The following SRD5A3 variants were observed in gnomAD, a reference collection of about 807,000 sequenced individuals.
SRD5A3 encodes the protein polyprenal reductase.
In SRD5A3, 24 loss-of-function variants were observed where a neutral mutation model predicts 34.3. That is an observed-to-expected ratio of 0.70 (90% CI 0.51 to 0.99). The LOEUF (loss-of-function observed/expected upper bound fraction) is 0.99. SRD5A3 is among the 50% of genes least tolerant of loss of function. The pLI, the probability that SRD5A3 is intolerant of heterozygous loss-of-function variation, is 0.00. For synonymous variants in SRD5A3, 161 were observed against 167.3 expected, an observed-to-expected ratio of 0.96 and a Z score of 0.29; for missense variants, 350 against 388.2, an observed-to-expected ratio of 0.90 and a Z score of 0.83.
rs774523970 is a variant in SRD5A3 at position 55,348,490 on chromosome 4, G to A, written c.221+1933G>A. On this transcript the variant is annotated intron_variant, in intron 1 of 4. Coordinates refer to ENST00000264228, the MANE Select transcript of SRD5A3 (RefSeq NM_024592.5). Reference sequence around the variant, plus strand: ...AGAGTCTATGGCCTCTTTTTTATACGTCTCTGTATTTTCCAAAATGTCTTC... The same window carrying A: ...AGAGTCTATGGCCTCTTTTTTATACATCTCTGTATTTTCCAAAATGTCTTC... Among the ~76,000 whole-genome samples the A allele has an allele frequency of 1.1e-3, 164 of 152,106 alleles. 1 individual carries two copies. Among genetic ancestry groups the A allele is most frequent in the Non-Finnish European group, 1.6e-3 (112 of 68,010 alleles).
intron 2 of SRD5A3, among the ~76,000 whole-genome samples, chr4:55,359,794 TATGAAGAAGTCTTTAC>T (rs1719608148): frequency 1.3e-5 from 2 of 152,210 alleles, no homozygotes; most frequent in African/African-American, 4.8e-5. Context: ...TTGATAAATT[TATGAAGAAGTCTTTAC>T]ACAAAAGGGG....
In SRD5A3 at chr4:55,366,871, G is replaced by C. The variant is rs1050447545; in HGVS notation, c.563-717G>C. 1.0e-4 allele frequency: 16 copies of C among 152,650 alleles called. 1 individual carries two copies. 9.5% of individuals were successfully genotyped at this position (152,650 alleles called of 1,614,324 possible). ...TGCTCCGCAGGTCCTCAGAAGGTCT[G>C]TGTTTTTCCCTTCTTCCTAGCAGCC... is the stretch of plus-strand genomic sequence containing the variant. On this transcript the variant is annotated intron_variant, in intron 3 of 4. Transcript: ENST00000264228.
intron 1 of SRD5A3, among the ~76,000 whole-genome samples, chr4:55,353,580 G>A (rs372719301): frequency 3.3e-5 from 5 of 152,258 alleles, no homozygotes; most frequent in South Asian, 2.1e-4. Flanking sequence ...TGCTCTTCAC[G>A]GTAAGTCTTG....
At chr4:55,366,526 T>G (rs899015834) in intron 3 of SRD5A3, 2 of 152,210 alleles carry the variant, frequency 1.3e-5, no homozygotes, top group African/African-American at 4.8e-5. Flanking sequence ...TGGCTAAACT[T>G]GTAAACACTA....
intron 3 of SRD5A3, 77 bp from the exon 4 acceptor site, chr4:55,367,511 T>A: frequency 6.5e-7 from 1 of 1,544,948 alleles, no homozygotes; most frequent in South Asian, 1.1e-5. Flanking sequence ...ATTGTGTTTC[T>A]GCTGACTAAA....
chr4:55,357,870 C>G (rs963013862), intron 1 of SRD5A3, among the ~76,000 whole-genome samples: 3 of 152,150 alleles, frequency 2.0e-5, no homozygotes, highest in African/African-American at 4.8e-5. Flanking sequence ...CCATGCCTGG[C>G]CAGTGATAGA....
intron 1 of SRD5A3, among the ~76,000 whole-genome samples, chr4:55,346,802 A>C (rs1423297946): frequency 2.6e-5 from 4 of 152,198 alleles, no homozygotes; most frequent in Non-Finnish European, 5.9e-5. Context: ...GCTTGCACTC[A>C]GCTGGAGGAA....
In SRD5A3 at chr4:55,371,510, A is replaced by G. The variant is rs1164976662; in HGVS notation, c.*1419A>G. The G allele has an allele frequency of 6.6e-6, 1 of 152,236 alleles. No individual in the cohort carries two copies. Among genetic ancestry groups the G allele is most frequent in the Non-Finnish European group, 1.5e-5 (1 of 68,036 alleles). 9.4% of individuals were successfully genotyped at this position (152,236 alleles called of 1,614,324 possible). ...GAAGATGTCCTATTACAGTCAGCTA[A>G]GCACTAAAGCTTTGCATTTATATGT... On this transcript the variant is annotated 3_prime_UTR_variant, in exon 5 of 5. Transcript: ENST00000264228.
chr4:55,365,266 C>T (rs771559253), intron 3 of SRD5A3, among the ~76,000 whole-genome samples: 3 of 152,212 alleles, frequency 2.0e-5, no homozygotes, highest in Non-Finnish European at 4.4e-5. Flanking sequence ...TGTGAGTGAG[C>T]TTCCTCCTCA....
intron 1 of SRD5A3, 31 bp downstream of exon 1, chr4:55,346,588 G>C (rs1396241517): frequency 6.5e-7 from 1 of 1,545,524 alleles, no homozygotes; most frequent in Non-Finnish European, 8.7e-7. Context: ...AGCCGCGGTG[G>C]TCAAGGCGCT....
rs532338156 is a variant in SRD5A3, at chr4:55,351,057, T to C, written c.221+4500T>C. ...TTGGGATTATAGGCGTGAGTCACCA[T>C]GTGCCTGGCCTAAATTTTTTTTTTT... is the stretch of plus-strand genomic sequence containing the variant. On this transcript the variant is annotated intron_variant, in intron 1 of 4. Transcript: ENST00000264228. 1.4e-3 allele frequency among the ~76,000 whole-genome samples: 213 copies of C among 151,812 alleles called. 1 individual carries two copies. The highest frequency in any genetic ancestry group is 4.9e-3 in the African/African-American group (202 of 41,340).
At chr4:55,361,683 A>C (rs1426176180) in intron 2 of SRD5A3, among the ~76,000 whole-genome samples, 1 of 151,988 alleles carries the variant, frequency 6.6e-6, no homozygotes, top group Non-Finnish European at 1.5e-5. Flanking sequence ...GCGTGCCTGT[A>C]ATCCCACTTA....
In SRD5A3 at chr4:55,359,458, C is replaced by T. The variant is rs1578206800; in HGVS notation, c.334C>T (p.Leu112Phe). Reference sequence around the variant, plus strand: ...TTTTCCAAGCTGGCTTCATGGTTTGCTCAGAATTCTCGGGGCGGCACAGTT... The same window carrying T: ...TTTTCCAAGCTGGCTTCATGGTTTGTTCAGAATTCTCGGGGCGGCACAGTT... The part of the protein sequence containing the change: ...APFPSWLHGL[L>F]RILGAAQFQG... The change falls in exon 2 of 5, where the codon CTC (leucine) becomes TTC (phenylalanine). Residue 112 changes from leucine (L) to phenylalanine (F), a missense_variant. Physicochemically the swap from Leu to Phe is conservative, Grantham distance 22. Coordinates refer to ENST00000264228, the MANE Select transcript of SRD5A3 (RefSeq NM_024592.5). The T allele has an allele frequency of 1.2e-6, 2 of 1,614,024 alleles. No individual in the cohort carries two copies. Among genetic ancestry groups the T allele is most frequent in the Middle Eastern group, 3.3e-4 (2 of 6,062 alleles).
rs1578215737 is a variant in SRD5A3, at chr4:55,372,980, T to C, written c.*2889T>C. Reference sequence around the variant, plus strand: ...GCAGATATTTTTGTATGTAGCTTAATAGATATTTAGTTTAAGGAGACTGCA... The same window carrying C: ...GCAGATATTTTTGTATGTAGCTTAACAGATATTTAGTTTAAGGAGACTGCA... On this transcript the variant is annotated 3_prime_UTR_variant, in exon 5 of 5. Coordinates refer to ENST00000264228, the MANE Select transcript of SRD5A3 (RefSeq NM_024592.5). The C allele has an allele frequency of 6.6e-6, 1 of 150,710 alleles. No individual in the cohort carries two copies. The highest frequency in any genetic ancestry group is 2.1e-4 in the South Asian group (1 of 4,810). 9.3% of individuals were successfully genotyped at this position (150,710 alleles called of 1,614,324 possible).
Position 55,372,151 on chromosome 4 carries a change from T to G in SRD5A3, c.*2060T>G, listed in dbSNP as rs2109492230. ...CATTGGAAATGGAAAACATTGCAGT[T>G]TGGTCTTAATTTCCACATGAATATC... On this transcript the variant is annotated 3_prime_UTR_variant, in exon 5 of 5. Transcript: ENST00000264228. The G allele has an allele frequency of 6.6e-6, 1 of 152,314 alleles. No individual in the cohort carries two copies. The highest frequency in any genetic ancestry group is 1.9e-4 in the East Asian group (1 of 5,192). The allele number at this position is 152,314 out of a possible 1,614,324, so 9.4% of individuals were successfully genotyped here.
At chr4:55,347,398 G>C (rs1006140836) in intron 1 of SRD5A3, among the ~76,000 whole-genome samples, 1 of 152,192 alleles carries the variant, frequency 6.6e-6, no homozygotes, top group Non-Finnish European at 1.5e-5. Context: ...GGAGGCTGAG[G>C]CAGGCGGATC....
At chr4:55,355,712 C>T (rs112431127) in intron 1 of SRD5A3, among the ~76,000 whole-genome samples, 1,897 of 152,204 alleles carry the variant, frequency 0.012, 43 homozygotes, top group African/African-American at 0.042. Flanking sequence ...CATGAAAGCA[C>T]AATAGTATGA....
intron 1 of SRD5A3, among the ~76,000 whole-genome samples, chr4:55,351,156 T>C (rs1719177042): frequency 6.7e-6 from 1 of 149,772 alleles, no homozygotes; most frequent in Non-Finnish European, 1.5e-5. Flanking sequence ...CACTGCAACC[T>C]CCACCTCCCG....
intron 2 of SRD5A3, among the ~76,000 whole-genome samples, chr4:55,363,269 A>C (rs569648365): frequency 2.6e-5 from 4 of 152,038 alleles, no homozygotes; most frequent in East Asian, 2.0e-4. Flanking sequence ...TGGGCAACAA[A>C]AAAAATTTTT....
Sources: allele counts gnomAD v4.1 joint callset (sites outside exome capture counted in the v4.1 genomes callset), GRCh38; gene constraint gnomAD v4.1.1; transcripts MANE v1.5; gene names NCBI Gene and HGNC (gene_info 2026-07-23, HGNC 2026-07-21).